Variants in CA10 observed in about 807,000 individuals in gnomAD.
The protein encoded by CA10 is carbonic anhydrase-related protein 10.
Under a neutral mutation model 44.2 loss-of-function variants are expected in CA10, and 14 were observed. The observed-to-expected ratio is 0.32, with a 90% CI of 0.21 to 0.50. CA10 has a LOEUF of 0.50. CA10 is among the 20% of genes least tolerant of loss of function. CA10 has a pLI of 0.99. For missense variants in CA10, 350 were observed against 409.7 expected (o/e 0.85, Z 1.26); for synonymous variants, 159 against 141.6 (o/e 1.12, Z -0.87).
chr17:52,066,483 T>C (rs1331234444), intron 2 of CA10, among the ~76,000 whole-genome samples: 1 of 152,196 alleles, frequency 6.6e-6, no homozygotes, highest in Non-Finnish European at 1.5e-5. Context: ...GTTTCCACCA[T>C]ACTGTTCTTG....
At chr17:52,147,037 T>C (rs1311071511) in intron 1 of CA10, among the ~76,000 whole-genome samples, 2 of 152,160 alleles carry the variant, frequency 1.3e-5, no homozygotes, top group Non-Finnish European at 2.9e-5. Context: ...GTCACTGAGA[T>C]TGTGGGGTGT....
At chr17:51,930,619 T>G (rs1385332236) in intron 3 of CA10, among the ~76,000 whole-genome samples, 1 of 152,134 alleles carries the variant, frequency 6.6e-6, no homozygotes, top group Admixed American at 6.5e-5. Context: ...TTTTGTTAAT[T>G]GGTTTTCTCA....
intron 4 of CA10, among the ~76,000 whole-genome samples, chr17:51,692,364 ATCCT>A (rs1915229204): frequency 7.2e-6 from 1 of 139,688 alleles, no homozygotes; most frequent in Non-Finnish European, 1.5e-5. Context: ...CTACCTATCC[ATCCT>A]ATCTATCTAT....
intron 4 of CA10, among the ~76,000 whole-genome samples, chr17:51,746,242 C>T (rs980525336): frequency 3.3e-5 from 5 of 152,196 alleles, no homozygotes; most frequent in Admixed American, 1.3e-4. Flanking sequence ...GGCTTTTGCT[C>T]GCACTAGCCC....
At chr17:51,669,429 C>G (rs1442407548) in intron 4 of CA10, among the ~76,000 whole-genome samples, 2 of 152,078 alleles carry the variant, frequency 1.3e-5, no homozygotes, top group East Asian at 3.9e-4. Context: ...TGGGTGGGGT[C>G]AGATAAGGGA....
chr17:51,996,018 A>G (rs1240018263), intron 2 of CA10, among the ~76,000 whole-genome samples: 1 of 152,104 alleles, frequency 6.6e-6, no homozygotes, highest in Non-Finnish European at 1.5e-5. Context: ...ACAACTATTG[A>G]AAGCTTAATG....
intron 2 of CA10, among the ~76,000 whole-genome samples, chr17:52,015,770 T>A (rs192206827): frequency 6.6e-6 from 1 of 152,256 alleles, no homozygotes; most frequent in African/African-American, 2.4e-5. Flanking sequence ...AAGCCTAAGG[T>A]CTGAAACCTT....
intron 2 of CA10, among the ~76,000 whole-genome samples, chr17:51,955,401 G>C (rs113268257): frequency 6.6e-6 from 1 of 152,038 alleles, no homozygotes; most frequent in South Asian, 2.1e-4. Context: ...GTGCTTTTTG[G>C]AAATTCAGCT....
chr17:51,679,673 C>A (rs947294713), intron 4 of CA10, among the ~76,000 whole-genome samples: 3 of 152,002 alleles, frequency 2.0e-5, no homozygotes, highest in African/African-American at 7.3e-5. Flanking sequence ...GATTCTCCTG[C>A]CTCAGCCTCC....
At chr17:52,156,698 C>G (rs1989810948) in intron 1 of CA10, among the ~76,000 whole-genome samples, 1 of 152,230 alleles carries the variant, frequency 6.6e-6, no homozygotes, top group Non-Finnish European at 1.5e-5. Flanking sequence ...TCCTGCTCTC[C>G]TCTTCTGATG....
At chr17:51,636,053 G>A (rs372742758) in intron 6 of CA10, 44 bp from the exon 7 acceptor site, 2 of 1,361,306 alleles carry the variant, frequency 1.5e-6, no homozygotes, top group East Asian at 2.3e-5. Flanking sequence ...TCTTGAGAAA[G>A]GGATGGTATT....
intron 2 of CA10, among the ~76,000 whole-genome samples, chr17:52,065,281 C>T (rs896975992): frequency 6.6e-6 from 1 of 152,204 alleles, no homozygotes; most frequent in Non-Finnish European, 1.5e-5. Context: ...GAGTACTTTC[C>T]ATTTATAGCA....
At chr17:51,984,525 C>T (rs1984762153) in intron 2 of CA10, among the ~76,000 whole-genome samples, 1 of 151,434 alleles carries the variant, frequency 6.6e-6, no homozygotes. Flanking sequence ...AACTAAATAA[C>T]ATAGAAACAA....
At chr17:51,960,555 T>C (rs891154824) in intron 2 of CA10, among the ~76,000 whole-genome samples, 7 of 152,176 alleles carry the variant, frequency 4.6e-5, no homozygotes, top group Admixed American at 3.9e-4. Context: ...CAACGTATTT[T>C]AGTGAAAATC....
intron 2 of CA10, among the ~76,000 whole-genome samples, chr17:51,935,956 T>C (rs897968938): frequency 5.9e-5 from 9 of 152,166 alleles, no homozygotes; most frequent in Non-Finnish European, 1.2e-4. Flanking sequence ...GTTCCGAAGT[T>C]AGATTGTGCT....
At chr17:51,718,328 A>G (rs1284670294) in intron 4 of CA10, among the ~76,000 whole-genome samples, 1 of 152,184 alleles carries the variant, frequency 6.6e-6, no homozygotes, top group Non-Finnish European at 1.5e-5. Flanking sequence ...TTTCAGCTCC[A>G]CCTCAACCTC....
rs1237171961 is a variant in CA10, at chr17:51,631,516, C to T, written c.*68G>A. The T allele has an allele frequency of 7.4e-7, 1 of 1,343,376 alleles. No homozygotes were observed. Among genetic ancestry groups the T allele is most frequent in the African/African-American group, 1.5e-5 (1 of 68,834 alleles). 83.2% of individuals were successfully genotyped at this position (1,343,376 alleles called of 1,614,324 possible). On this transcript the variant is annotated 3_prime_UTR_variant, in exon 9 of 9. Transcript: ENST00000451037. ...AAGGAGAGAGAAGCAAGAAGGGGGA[C>T]ATTCTAGGTTACGTCAATTCACAGT...
intron 3 of CA10, among the ~76,000 whole-genome samples, chr17:51,919,591 G>T (rs11658752): frequency 0.079 from 11,984 of 152,172 alleles, 485 homozygotes; most frequent in South Asian, 0.092. Flanking sequence ...AACACATTTT[G>T]TTGCCTATGT....
At chr17:52,103,350 A>G (rs991733870) in intron 1 of CA10, among the ~76,000 whole-genome samples, 2 of 152,206 alleles carry the variant, frequency 1.3e-5, no homozygotes, top group Non-Finnish European at 2.9e-5. Flanking sequence ...TCACTCTCCC[A>G]GTCGTCCACA....
Sources: gnomAD v4.1 joint callset for allele counts (sites outside exome capture counted in the v4.1 genomes callset) on GRCh38, gnomAD v4.1.1 for gene constraint, MANE v1.5 for transcripts, NCBI Gene and HGNC (gene_info 2026-07-23, HGNC 2026-07-21) for gene names.